The following ABCC6 variants were observed in gnomAD, a reference collection of about 807,000 sequenced individuals.
The protein encoded by ABCC6 is ATP binding cassette subfamily C member 6, also known as ATP-binding cassette sub-family C member 6.
A neutral mutation model predicts 169.5 loss-of-function variants in ABCC6; 126 were observed. The ratio of observed to expected loss-of-function variants is 0.74; its 90% confidence interval spans 0.64 to 0.86. The LOEUF (loss-of-function observed/expected upper bound fraction) is 0.86, where lower values mean the gene tolerates loss of function less well. ABCC6 is among the 40% of genes least tolerant of loss of function. The probability of loss-of-function intolerance (pLI) is 0.00; values close to 1 mark genes in which losing one functional copy is unlikely to be tolerated. For synonymous variants in ABCC6, 752 were observed against 814.7 expected, an observed-to-expected ratio of 0.92 and a Z score of 1.31; for missense variants, 1,733 against 1,927.2, an observed-to-expected ratio of 0.90 and a Z score of 1.89.
intron 26 of ABCC6, 62 bp downstream of exon 26, chr16:16,159,420 C>T: frequency 7.5e-7 from 1 of 1,325,696 alleles, no homozygotes; most frequent in Non-Finnish European, 1.0e-6. Flanking sequence ...TCAACAGGGA[C>T]CCATTGCCCC....
At chr16:16,155,417 C>T (rs1179871004) in intron 27 of ABCC6, 5 of 301,936 alleles carry the variant, frequency 1.7e-5, no homozygotes, top group Non-Finnish European at 3.1e-5. Flanking sequence ...TCCTGCCATC[C>T]ATCCATCCAT....
In ABCC6 at chr16:16,162,910, T is replaced by G. The variant is rs3213473; in HGVS notation, c.3506+83A>C. ...TGTCCCTGACTCTCTGGGTGACCTC[T>G]CTACCATACAATATGACCTCAGGTC... is the stretch of plus-strand genomic sequence containing the variant. On this transcript the variant is annotated intron_variant, in intron 24 of 30. Coordinates refer to ENST00000205557, the MANE Select transcript of ABCC6 (RefSeq NM_001171.6). 1,297,693 of 1,574,016 alleles carry G rather than the reference T, an allele frequency of 0.82. 542,839 individuals are homozygous for G. Among genetic ancestry groups the G allele is most frequent in the South Asian group, 0.9 (80,780 of 90,196 alleles).
intron 22 of ABCC6, among the ~76,000 whole-genome samples, chr16:16,168,069 C>T (rs1567482007): frequency 6.6e-6 from 1 of 152,212 alleles, no homozygotes; most frequent in Non-Finnish European, 1.5e-5. Context: ...CTAGAAGAGT[C>T]CTCAAGTTCA....
At chr16:16,155,743 TTTAA>T (rs1297655830) in intron 27 of ABCC6, 2 of 152,608 alleles carry the variant, frequency 1.3e-5, no homozygotes, top group African/African-American at 2.4e-5. Flanking sequence ...ACATTATTTG[TTTAA>T]TTAATGATGG....
chr16:16,153,898 T>TGTC, intron 29 of ABCC6, among the ~76,000 whole-genome samples: 1 of 144,418 alleles, frequency 6.9e-6, no homozygotes, highest in East Asian at 2.2e-4. Context: ...AGCCAGACCC[T>TGTC]GTCTCCAAAG....
At chr16:16,171,768 G>T (rs1313197927) in intron 21 of ABCC6, among the ~76,000 whole-genome samples, 5 of 151,716 alleles carry the variant, frequency 3.3e-5, no homozygotes, top group African/African-American at 9.7e-5. Flanking sequence ...TGAGTGGGTG[G>T]GATAGATGGA....
chr16:16,160,493 C>T (rs1023538223), intron 25 of ABCC6, among the ~76,000 whole-genome samples: 1 of 151,694 alleles, frequency 6.6e-6, no homozygotes, highest in African/African-American at 2.4e-5. Context: ...AAGAGTGAGA[C>T]CTTGTCTCAA....
chr16:16,178,817 C>A lies in ABCC6; in HGVS notation c.2396G>T (p.Gly799Val), dbSNP rs775412517. ...QHVFNQVIGPGGLLQGTTRIL... is the reference protein window; with the variant it reads ...QHVFNQVIGPVGLLQGTTRIL... ...ACTTACTGTTCCCTGGAGTAGTCCA[C>A]CAGGCCCAATGACCTGGTTGAAGAC... Residue 799 changes from glycine (G) to valine (V), a missense_variant, in exon 18 of 31, where the codon GGT becomes GTT. Gly to Val is a moderately radical substitution (Grantham distance 109). Coordinates refer to ENST00000205557, the MANE Select transcript of ABCC6 (RefSeq NM_001171.6). 5.0e-6 allele frequency: 8 copies of A among 1,613,772 alleles called. No homozygotes were observed. The highest frequency in any genetic ancestry group is 1.6e-4 in the Middle Eastern group (1 of 6,080).
intron 7 of ABCC6, among the ~76,000 whole-genome samples, chr16:16,208,273 G>A (rs1014748469): frequency 1.1e-4 from 17 of 152,224 alleles, no homozygotes; most frequent in Non-Finnish European, 4.4e-5. Context: ...CAGCTGGAAG[G>A]CAAGGTGGGG....
chr16:16,151,328 T>C (rs1307457117), intron 29 of ABCC6, among the ~76,000 whole-genome samples: 1 of 152,222 alleles, frequency 6.6e-6, no homozygotes, highest in African/African-American at 2.4e-5. Flanking sequence ...AGTGCTGGGA[T>C]TACAGGCGTG....
In ABCC6 at chr16:16,185,013, G is replaced by A. The variant is rs756674188; in HGVS notation, c.1889C>T (p.Thr630Ile). Reference sequence around the variant, plus strand: ...CCAGGCGAAGGTGGCACTGTGTATGGTGATGCAATCCTTCCCGGCAGCTGC... The same window carrying A: ...CCAGGCGAAGGTGGCACTGTGTATGATGATGCAATCCTTCCCGGCAGCTGC... ...SGSAAGKDCI[T>I]IHSATFAWSQ... Residue 630 changes from threonine to isoleucine, a missense_variant, in exon 15 of 31, where the codon ACC becomes ATC. Physicochemically the swap from Thr to Ile is moderately conservative, Grantham distance 89 (BLOSUM62 -1). Transcript: ENST00000205557. 1.4e-5 allele frequency: 23 copies of A among 1,613,700 alleles called. No individual in the cohort carries two copies. The highest frequency in any genetic ancestry group is 1.6e-4 in the Middle Eastern group (1 of 6,062).
rs147328306 is a variant in ABCC6, at chr16:16,174,671, C to T, written c.2666+1240G>A. On this transcript the variant is annotated intron_variant, in intron 20 of 30. Transcript: ENST00000205557. Reference sequence around the variant, plus strand: ...ACTCAAGAGACTGAGGCATGAGAATCGCTTGAACCTGGGAGACGGGGATTG... The same window carrying T: ...ACTCAAGAGACTGAGGCATGAGAATTGCTTGAACCTGGGAGACGGGGATTG... Among the ~76,000 whole-genome samples, 284 of 147,050 alleles carry T rather than the reference C, an allele frequency of 1.9e-3. 1 individual carries two copies. Among genetic ancestry groups the T allele is most frequent in the African/African-American group, 6.5e-3 (266 of 40,708 alleles).
At chr16:16,183,612 T>A (rs1245890388) in intron 15 of ABCC6, among the ~76,000 whole-genome samples, 1 of 152,208 alleles carries the variant, frequency 6.6e-6, no homozygotes, top group Non-Finnish European at 1.5e-5. Flanking sequence ...CTTGCTGACC[T>A]CCTTGCTGTT....
In ABCC6 at chr16:16,187,034, C is replaced by A. The variant is rs541176937; in HGVS notation, c.1867+90G>T. 140 of 1,159,474 alleles carry A rather than the reference C, an allele frequency of 1.2e-4. 1 individual carries two copies. In the East Asian group the frequency reaches 2.6e-3, roughly 21 times the overall value. The allele number at this position is 1,159,474 out of a possible 1,614,324, so 71.8% of individuals were successfully genotyped here. A position where few individuals can be genotyped will look rare whatever the true frequency, so the allele number is the denominator to read the frequency against. ...ATTGCCCGCAGCCCCCATCTCCCCC[C>A]AGTACTGATGCTGGCTTGCCATTAT... On this transcript the variant is annotated intron_variant, in intron 14 of 30. Coordinates refer to ENST00000205557, the MANE Select transcript of ABCC6 (RefSeq NM_001171.6).
chr16:16,196,431 T>C (rs1431822424), intron 10 of ABCC6, among the ~76,000 whole-genome samples: 2 of 152,178 alleles, frequency 1.3e-5, no homozygotes, highest in Admixed American at 6.5e-5. Context: ...TTATCCTTTA[T>C]GGAAAAGTAA....
chr16:16,204,955 C>A (rs2048349253), intron 7 of ABCC6, among the ~76,000 whole-genome samples: 1 of 151,860 alleles, frequency 6.6e-6, no homozygotes, highest in East Asian at 1.9e-4. Flanking sequence ...CCTGCCTCAG[C>A]CTCCCAAGTA....
chr16:16,172,111 GTGGGATGGATAAA>G (rs2047112972), intron 21 of ABCC6, among the ~76,000 whole-genome samples: 1 of 144,566 alleles, frequency 6.9e-6, no homozygotes, highest in Admixed American at 6.9e-5. Flanking sequence ...AAATGAGTGG[GTGGGATGGATAAA>G]TGAATGGATG....
At chr16:16,155,059 C>T (rs900663993) in intron 27 of ABCC6, 28 bp from the exon 28 acceptor site, 3 of 1,544,162 alleles carry the variant, frequency 1.9e-6, no homozygotes, top group Admixed American at 2.0e-5. Context: ...GAAAGGCCTG[C>T]TCTGACCAGA....
At position 16,188,989 on chromosome 16, in the gene ABCC6, G is replaced by A. The variant is rs562290362; in HGVS notation, c.1636-15C>T. On this transcript the variant is annotated splice_polypyrimidine_tract_variant and intron_variant, in intron 12 of 30. Coordinates refer to ENST00000205557, the MANE Select transcript of ABCC6 (RefSeq NM_001171.6). ...ACCAGTGCGACCTGGGGGGTGGGGG[G>A]GACACGTGGGGCAACAGTGAGACAC... 3 of 1,613,372 alleles carry A rather than the reference G, an allele frequency of 1.9e-6. No individual in the cohort carries two copies. The highest frequency in any genetic ancestry group is 2.2e-5 in the East Asian group (1 of 44,882).
Sources: gnomAD v4.1 joint callset for allele counts (sites outside exome capture counted in the v4.1 genomes callset) on GRCh38, gnomAD v4.1.1 for gene constraint, MANE v1.5 for transcripts, NCBI Gene and HGNC (gene_info 2026-07-23, HGNC 2026-07-21) for gene names.